SLC30A9: variants seen among roughly 807,000 people sequenced by gnomAD.
The protein encoded by SLC30A9 is solute carrier family 30 member 9.
A neutral mutation model predicts 87.5 loss-of-function variants in SLC30A9; 58 were observed. The observed-to-expected ratio is 0.66, with a 90% CI of 0.54 to 0.82. The LOEUF is 0.82. Among genes scored for constraint, SLC30A9 ranks in the 40% least tolerant of loss-of-function variants. The pLI is 0.00. For synonymous variants in SLC30A9, 234 were observed against 233.0 expected (o/e 1.00, Z -0.04); for missense variants, 557 against 679.1 (o/e 0.82, Z 2.00).
At chr4:42,065,872 A>AT (rs1468988455) in intron 12 of SLC30A9, among the ~76,000 whole-genome samples, 1 of 152,236 alleles carries the variant, frequency 6.6e-6, no homozygotes, top group Non-Finnish European at 1.5e-5. Context: ...AGTATGTTTC[A>AT]TTTTTGAGTA....
chr4:41,990,980 G>C (rs893790897), intron 1 of SLC30A9, among the ~76,000 whole-genome samples: 1 of 152,256 alleles, frequency 6.6e-6, no homozygotes, highest in African/African-American at 2.4e-5. Context: ...GCCCCCGCGG[G>C]AACTTGTGGG....
chr4:42,007,470 G>A (rs930850362), intron 2 of SLC30A9, among the ~76,000 whole-genome samples: 2 of 152,152 alleles, frequency 1.3e-5, no homozygotes, highest in African/African-American at 2.4e-5. Flanking sequence ...TCACACATCA[G>A]GTCGGGTGCA....
chr4:41,997,148 G>GT (rs987162528), intron 1 of SLC30A9, among the ~76,000 whole-genome samples: 12 of 122,976 alleles, frequency 9.8e-5, no homozygotes, highest in African/African-American at 2.8e-4. Flanking sequence ...ATCTCCTATT[G>GT]TTTCCTAACT....
At chr4:42,005,274 G>T (rs1715154150) in intron 2 of SLC30A9, among the ~76,000 whole-genome samples, 1 of 152,056 alleles carries the variant, frequency 6.6e-6, no homozygotes, top group Non-Finnish European at 1.5e-5. Flanking sequence ...GTTTGTTTTT[G>T]CTTTTGTGTG....
intron 1 of SLC30A9, among the ~76,000 whole-genome samples, chr4:41,997,962 G>A (rs571748021): frequency 3.9e-5 from 6 of 152,356 alleles, no homozygotes; most frequent in East Asian, 1.9e-4. Flanking sequence ...AACTCACGTT[G>A]CAAGAAATCT....
intron 2 of SLC30A9, among the ~76,000 whole-genome samples, chr4:42,007,524 G>A (rs1234234753): frequency 6.6e-6 from 1 of 152,180 alleles, no homozygotes; most frequent in East Asian, 1.9e-4. Context: ...GGCCGAGGCA[G>A]GCTGATCACG....
intron 8 of SLC30A9, among the ~76,000 whole-genome samples, chr4:42,042,164 G>C (rs887305053): frequency 5.3e-5 from 8 of 152,076 alleles, no homozygotes; most frequent in African/African-American, 1.9e-4. Flanking sequence ...AGCTAGACTA[G>C]TTTTTTTTCA....
chr4:42,025,970 A>G (rs1716176165), intron 6 of SLC30A9, among the ~76,000 whole-genome samples: 2 of 151,228 alleles, frequency 1.3e-5, no homozygotes, highest in Non-Finnish European at 2.9e-5. Flanking sequence ...GTTTTTTTTT[A>G]AGAGATGAGG....
chr4:42,030,797 G>A (rs1404169567), intron 6 of SLC30A9, among the ~76,000 whole-genome samples: 2 of 152,188 alleles, frequency 1.3e-5, no homozygotes, highest in Non-Finnish European at 2.9e-5. Flanking sequence ...TGTTGTGCTT[G>A]TTTTGAATGC....
intron 6 of SLC30A9, among the ~76,000 whole-genome samples, chr4:42,032,181 T>C (rs1716472907): frequency 6.6e-6 from 1 of 152,064 alleles, no homozygotes; most frequent in Non-Finnish European, 1.5e-5. Context: ...GCTAAATCAT[T>C]CATGAGAATT....
chr4:42,058,744 T>C (rs891517812), intron 9 of SLC30A9, among the ~76,000 whole-genome samples: 4 of 152,106 alleles, frequency 2.6e-5, no homozygotes, highest in Non-Finnish European at 5.9e-5. Context: ...TTTAAAACAA[T>C]CAGATCTCAT....
At chr4:42,004,502 C>A (rs1312143629) in intron 2 of SLC30A9, among the ~76,000 whole-genome samples, 1 of 152,008 alleles carries the variant, frequency 6.6e-6, no homozygotes, top group East Asian at 1.9e-4. Flanking sequence ...ACCTCTCTAT[C>A]GTATTTTCTA....
intron 1 of SLC30A9, among the ~76,000 whole-genome samples, chr4:41,999,106 T>C (rs554589677): frequency 2.6e-5 from 4 of 152,310 alleles, no homozygotes; most frequent in African/African-American, 9.6e-5. Flanking sequence ...GTCAGGATAA[T>C]GACTAAACTA....
intron 3 of SLC30A9, chr4:42,018,586 A>T: frequency 2.8e-6 from 1 of 361,656 alleles, no homozygotes; most frequent in Non-Finnish European, 4.5e-6. Flanking sequence ...CTTCTGTATA[A>T]CAAGCTGTGG....
At chr4:42,011,303 A>G (rs984794763) in intron 2 of SLC30A9, among the ~76,000 whole-genome samples, 9 of 152,196 alleles carry the variant, frequency 5.9e-5, no homozygotes, top group African/African-American at 2.2e-4. Context: ...TCATGAGAAC[A>G]GCATGGGGGA....
chr4:42,073,735 C>T (rs1017455506), intron 15 of SLC30A9, among the ~76,000 whole-genome samples: 4 of 152,106 alleles, frequency 2.6e-5, no homozygotes, highest in African/African-American at 9.7e-5. Context: ...TCAAAGCGTG[C>T]AAATTGATAA....
rs1274625934 is a variant in SLC30A9, at chr4:42,087,307, C to T, written c.*1181C>T. On this transcript the variant is annotated 3_prime_UTR_variant, in exon 18 of 18. Coordinates refer to ENST00000264451, the MANE Select transcript of SLC30A9 (RefSeq NM_006345.4). ...AAAGCTGCAGCTGTCATCATCAAAA[C>T]AACTCATAACATACTTTAAAATGTT... 6.6e-6 allele frequency: 1 copy of T among 152,206 alleles called. No homozygotes were observed. Among genetic ancestry groups the T allele is most frequent in the Non-Finnish European group, 1.5e-5 (1 of 68,038 alleles). 9.4% of individuals were successfully genotyped at this position (152,206 alleles called of 1,614,324 possible).
chr4:42,070,744 C>T, intron 15 of SLC30A9, 53 bp downstream of exon 15: 1 of 1,453,820 alleles, frequency 6.9e-7, no homozygotes, highest in Non-Finnish European at 9.3e-7. Flanking sequence ...TATTAAAAAA[C>T]AGAAATGCCT....
At chr4:42,049,543 A>G in intron 9 of SLC30A9, 64 bp downstream of exon 9, 1 of 868,138 alleles carries the variant, frequency 1.2e-6, no homozygotes. Flanking sequence ...TTAATCTAAA[A>G]GTTGATCTAT....
Sources: gnomAD v4.1 joint callset for allele counts (sites outside exome capture counted in the v4.1 genomes callset) on GRCh38, gnomAD v4.1.1 for gene constraint, MANE v1.5 for transcripts, NCBI Gene and HGNC (gene_info 2026-07-23, HGNC 2026-07-21) for gene names.